Variants in DPYD observed in about 807,000 individuals in gnomAD.
The protein encoded by DPYD is dihydropyrimidine dehydrogenase [NADP(+)].
Under a neutral mutation model 116.2 loss-of-function variants are expected in DPYD, and 109 were observed. The ratio of observed to expected loss-of-function variants is 0.94; its 90% confidence interval spans 0.80 to 1.10. The LOEUF (loss-of-function observed/expected upper bound fraction) is 1.10, where lower values mean the gene tolerates loss of function less well. Among genes scored for constraint, DPYD ranks in the 50% least tolerant of loss-of-function variants. The pLI is 0.00. For missense variants in DPYD, 1,302 were observed against 1,254.5 expected (o/e 1.04, Z -0.57); for synonymous variants, 440 against 432.0 (o/e 1.02, Z -0.23).
chr1:97,716,435 A>C (rs1662620565), intron 5 of DPYD, among the ~76,000 whole-genome samples: 2 of 151,892 alleles, frequency 1.3e-5, no homozygotes, highest in Admixed American at 1.3e-4. Context: ...AGACCAATGT[A>C]AAAAAAATAG....
intron 20 of DPYD, among the ~76,000 whole-genome samples, chr1:97,102,496 T>TATCTATCTATCC (rs59950291): frequency 5.8e-5 from 3 of 51,954 alleles, no homozygotes; most frequent in Non-Finnish European, 1.0e-4. Flanking sequence ...TCTATCTATC[T>TATCTATCTATCC]CCTTTATACC....
intron 14 of DPYD, among the ~76,000 whole-genome samples, chr1:97,427,886 A>C (rs1478693585): frequency 6.6e-6 from 1 of 152,100 alleles, no homozygotes; most frequent in Non-Finnish European, 1.5e-5. Context: ...TGGAGTAGGG[A>C]ATAGAAAATA....
intron 16 of DPYD, among the ~76,000 whole-genome samples, chr1:97,363,903 A>T (rs768909178): frequency 6.6e-6 from 1 of 152,238 alleles, no homozygotes; most frequent in Admixed American, 6.5e-5. Context: ...ATACCTACGT[A>T]ACAAACCTGC....
intron 2 of DPYD, among the ~76,000 whole-genome samples, chr1:97,841,433 T>C (rs1670030861): frequency 6.6e-6 from 1 of 152,000 alleles, no homozygotes. Flanking sequence ...CAACACAGCC[T>C]GGAAATATTG....
At chr1:97,406,304 AT>A (rs1419812532) in intron 14 of DPYD, among the ~76,000 whole-genome samples, 6 of 142,564 alleles carry the variant, frequency 4.2e-5, no homozygotes. Flanking sequence ...TTATTAATTT[AT>A]TTTTTATTTT....
At chr1:97,486,790 T>C (rs1464429211) in intron 13 of DPYD, among the ~76,000 whole-genome samples, 1 of 152,044 alleles carries the variant, frequency 6.6e-6, no homozygotes, top group Non-Finnish European at 1.5e-5. Context: ...TTTAAAACAC[T>C]AGGCTACTGA....
chr1:97,354,868 T>A (rs1670344097), intron 16 of DPYD, among the ~76,000 whole-genome samples: 1 of 152,182 alleles, frequency 6.6e-6, no homozygotes, highest in Admixed American at 6.5e-5. Context: ...ATCACATTAA[T>A]CACATTAATC....
chr1:97,592,803 T>C (rs1654613426), intron 10 of DPYD, among the ~76,000 whole-genome samples: 1 of 152,196 alleles, frequency 6.6e-6, no homozygotes, highest in Non-Finnish European at 1.5e-5. Context: ...ATGACCAAGG[T>C]ATACATCTTA....
intron 19 of DPYD, among the ~76,000 whole-genome samples, chr1:97,228,875 T>C (rs1661375951): frequency 6.6e-6 from 1 of 152,032 alleles, no homozygotes; most frequent in African/African-American, 2.4e-5. Context: ...TTGAGCTGTA[T>C]GAAAAAGATT....
At position 97,596,370 on chromosome 1, in the gene DPYD, T is replaced by C. The variant is rs1654883461; in HGVS notation, c.851-1204A>G. 2.0e-5 allele frequency among the ~76,000 whole-genome samples: 3 copies of C among 152,156 alleles called. No homozygotes were observed. In the South Asian group the frequency reaches 6.2e-4, roughly 32 times the overall value. ...TTCCTTATTTTCCAAATTTTCTACA[T>C]TGTACATATATCAACTATAAATTAG... On this transcript the variant is annotated intron_variant, in intron 8 of 22. Coordinates refer to ENST00000370192, the MANE Select transcript of DPYD (RefSeq NM_000110.4).
intron 8 of DPYD, among the ~76,000 whole-genome samples, chr1:97,659,090 T>C (rs1424098536): frequency 6.6e-6 from 1 of 152,138 alleles, no homozygotes; most frequent in Non-Finnish European, 1.5e-5. Context: ...CCAGGAATGT[T>C]GGACCTACCC....
chr1:97,557,591 C>T (rs1651840699), intron 11 of DPYD, among the ~76,000 whole-genome samples: 1 of 152,112 alleles, frequency 6.6e-6, no homozygotes, highest in African/African-American at 2.4e-5. Flanking sequence ...GCTGGAATTA[C>T]AGGCATGAGC....
intron 14 of DPYD, among the ~76,000 whole-genome samples, chr1:97,401,696 T>C (rs954295698): frequency 6.6e-6 from 1 of 152,102 alleles, no homozygotes; most frequent in Non-Finnish European, 1.5e-5. Flanking sequence ...TAAAAACACA[T>C]GTGTCATCAA....
At chr1:97,418,243 A>C (rs1674386022) in intron 14 of DPYD, among the ~76,000 whole-genome samples, 1 of 152,060 alleles carries the variant, frequency 6.6e-6, no homozygotes, top group Non-Finnish European at 1.5e-5. Flanking sequence ...TTCAAAACAC[A>C]GCTTACTTTT....
chr1:97,691,904 T>C (rs1466956203), intron 6 of DPYD, 106 bp from the exon 7 acceptor site: 3 of 840,542 alleles, frequency 3.6e-6, no homozygotes, highest in East Asian at 5.1e-5. Flanking sequence ...AGAAAATAAA[T>C]ATCTCTTCCA....
chr1:97,203,822 CA>C (rs1659413921), intron 19 of DPYD, among the ~76,000 whole-genome samples: 1 of 97,408 alleles, frequency 1.0e-5, no homozygotes, highest in African/African-American at 4.1e-5. Flanking sequence ...AAAAAAAGAA[CA>C]ACTCACCTAC....
At chr1:97,482,832 A>G (rs1678400452) in intron 13 of DPYD, among the ~76,000 whole-genome samples, 1 of 151,908 alleles carries the variant, frequency 6.6e-6, no homozygotes, top group African/African-American at 2.4e-5. Context: ...CTTTTATATA[A>G]CCTCTCAAGC....
intron 18 of DPYD, among the ~76,000 whole-genome samples, chr1:97,261,081 G>A (rs1256401054): frequency 3.9e-5 from 6 of 152,102 alleles, no homozygotes; most frequent in Admixed American, 2.6e-4. Flanking sequence ...ATTGTAGATA[G>A]GGGTGTAAAT....
At chr1:97,396,247 T>A (rs1277904585) in intron 14 of DPYD, among the ~76,000 whole-genome samples, 1 of 152,054 alleles carries the variant, frequency 6.6e-6, no homozygotes, top group East Asian at 1.9e-4. Flanking sequence ...AAAAAAAACT[T>A]CAAGAAGTTA....
Sources: allele counts gnomAD v4.1 joint callset (sites outside exome capture counted in the v4.1 genomes callset), GRCh38; gene constraint gnomAD v4.1.1; transcripts MANE v1.5; gene names NCBI Gene and HGNC (gene_info 2026-07-23, HGNC 2026-07-21).